The following EPHA6 variants were observed in gnomAD, a reference collection of about 807,000 sequenced individuals.
EPHA6 encodes the protein ephrin type-A receptor 6.
A neutral mutation model predicts 112.0 loss-of-function variants in EPHA6; 50 were observed. That is an observed-to-expected ratio of 0.45 (90% confidence interval 0.36 to 0.56). The LOEUF (loss-of-function observed/expected upper bound fraction) is 0.56, where lower values mean the gene tolerates loss of function less well. Ranked by LOEUF, EPHA6 falls within the 20% of genes least tolerant of loss-of-function variation. The pLI is 0.00. For synonymous variants in EPHA6, 529 were observed against 490.7 expected (o/e 1.08, Z -1.03); for missense variants, 1,280 against 1,417.4 (o/e 0.90, Z 1.56).
At chr3:97,406,323 C>T (rs2087342486) in intron 6 of EPHA6, among the ~76,000 whole-genome samples, 1 of 152,050 alleles carries the variant, frequency 6.6e-6, no homozygotes, top group South Asian at 2.1e-4. Context: ...AGATCGAGGA[C>T]CCAGCATCTG....
chr3:96,994,362 T>G (rs992693583), intron 3 of EPHA6: 1 of 222,388 alleles, frequency 4.5e-6, no homozygotes, highest in African/African-American at 2.2e-5. Flanking sequence ...TTTAACATTG[T>G]TTTAATTTAT....
At position 97,687,767 on chromosome 3, in the gene EPHA6, A is replaced by G. The variant is rs1379341447; in HGVS notation, c.2785-32494A>G. On this transcript the variant is annotated intron_variant, in intron 14 of 17. Transcript: ENST00000389672. ...TGAAAATACAAAACCTTTACTTCTCATGTGTGAGTCTGCAGGTCCACTGTG... is the reference window on the plus strand; with the variant it reads ...TGAAAATACAAAACCTTTACTTCTCGTGTGTGAGTCTGCAGGTCCACTGTG... Among the ~76,000 whole-genome samples, 4 of 152,194 alleles carry G rather than the reference A, an allele frequency of 2.6e-5. No individual in the cohort carries two copies. The East Asian group carries it at 7.7e-4, about 29-fold the overall frequency.
chr3:97,491,306 A>G (rs938229067), intron 10 of EPHA6, among the ~76,000 whole-genome samples: 11 of 152,194 alleles, frequency 7.2e-5, no homozygotes, highest in Non-Finnish European at 1.0e-4. Context: ...AGCCAGCATT[A>G]CCAGGAGTGA....
At chr3:97,617,472 T>TA (rs1224178435) in intron 13 of EPHA6, among the ~76,000 whole-genome samples, 9 of 151,970 alleles carry the variant, frequency 5.9e-5, no homozygotes, top group Admixed American at 4.6e-4. Flanking sequence ...AATTAAAAGA[T>TA]AAAAAAATGG....
At chr3:97,147,247 G>A (rs984962225) in intron 3 of EPHA6, among the ~76,000 whole-genome samples, 2 of 152,040 alleles carry the variant, frequency 1.3e-5, no homozygotes, top group African/African-American at 4.8e-5. Flanking sequence ...TAAAAATAAC[G>A]AGATTCATTT....
chr3:97,448,880 A>G, intron 7 of EPHA6, 150 bp downstream of exon 7: 1 of 733,472 alleles, frequency 1.4e-6, no homozygotes, highest in Non-Finnish European at 2.2e-6. Context: ...ATTTCAGTTA[A>G]TATTTGTTGC....
At chr3:97,214,430 C>T (rs1278557302) in intron 3 of EPHA6, among the ~76,000 whole-genome samples, 1 of 146,584 alleles carries the variant, frequency 6.8e-6, no homozygotes, top group Admixed American at 7.0e-5. Flanking sequence ...AACAGAAAAG[C>T]GTGGAGTGCC....
intron 6 of EPHA6, among the ~76,000 whole-genome samples, chr3:97,414,990 T>G (rs2107152435): frequency 6.6e-6 from 1 of 152,108 alleles, no homozygotes; most frequent in Middle Eastern, 3.4e-3. Flanking sequence ...TCTGATTGAC[T>G]TACTTGCAGA....
At chr3:97,476,086 T>C (rs1577514969) in intron 8 of EPHA6, among the ~76,000 whole-genome samples, 1 of 152,084 alleles carries the variant, frequency 6.6e-6, no homozygotes, top group Admixed American at 6.6e-5. Context: ...TTTAAATAAA[T>C]AGTATGAATA....
intron 10 of EPHA6, among the ~76,000 whole-genome samples, chr3:97,503,277 T>C (rs2092170221): frequency 6.6e-6 from 1 of 152,196 alleles, no homozygotes; most frequent in African/African-American, 2.4e-5. Flanking sequence ...TTGAGTTTTT[T>C]TGAAAGTTTT....
chr3:97,388,577 T>C (rs1237678065), intron 5 of EPHA6, among the ~76,000 whole-genome samples: 1 of 152,110 alleles, frequency 6.6e-6, no homozygotes, highest in East Asian at 1.9e-4. Context: ...AGAGATATGA[T>C]AGTTTTGTGA....
chr3:97,315,336 G>T (rs1576928926), intron 5 of EPHA6, among the ~76,000 whole-genome samples: 2 of 151,780 alleles, frequency 1.3e-5, no homozygotes, highest in East Asian at 3.9e-4. Flanking sequence ...CAATATGCCT[G>T]TTGAATTTAA....
intron 3 of EPHA6, among the ~76,000 whole-genome samples, chr3:97,102,007 C>T (rs2036353): frequency 0.21 from 32,033 of 151,902 alleles, 4,798 homozygotes; most frequent in African/African-American, 0.4. Flanking sequence ...TCAACTTACT[C>T]GATCAGTGAA....
At chr3:97,629,143 G>A (rs766336750) in intron 13 of EPHA6, among the ~76,000 whole-genome samples, 1 of 151,942 alleles carries the variant, frequency 6.6e-6, no homozygotes. Flanking sequence ...GCCCAGGCTT[G>A]TCTCAATCTC....
intron 3 of EPHA6, among the ~76,000 whole-genome samples, chr3:97,090,120 A>G (rs932772941): frequency 6.6e-6 from 1 of 152,064 alleles, no homozygotes. Context: ...CAAAATTACT[A>G]TATTCCCTTC....
chr3:97,112,833 T>C (rs963344681), intron 3 of EPHA6, among the ~76,000 whole-genome samples: 1 of 152,158 alleles, frequency 6.6e-6, no homozygotes, highest in African/African-American at 2.4e-5. Context: ...AGTATCACTG[T>C]CTCACCTAAA....
intron 5 of EPHA6, among the ~76,000 whole-genome samples, chr3:97,364,441 G>A (rs568827036): frequency 1.3e-5 from 2 of 151,398 alleles, no homozygotes; most frequent in African/African-American, 2.4e-5. Context: ...CAAATTTGAG[G>A]TATAGATAAA....
chr3:96,837,193 A>T (rs190938144), intron 1 of EPHA6, among the ~76,000 whole-genome samples: 4 of 152,236 alleles, frequency 2.6e-5, no homozygotes, highest in South Asian at 4.1e-4. Flanking sequence ...AGATGGACAT[A>T]GCTTCTGTAA....
chr3:97,543,294 G>T (rs1477464089), intron 11 of EPHA6, among the ~76,000 whole-genome samples: 1 of 152,284 alleles, frequency 6.6e-6, no homozygotes, highest in Non-Finnish European at 1.5e-5. Flanking sequence ...AAGGGATCCA[G>T]TTTCAGCTTT....
Sources: gnomAD v4.1 joint callset for allele counts (sites outside exome capture counted in the v4.1 genomes callset) on GRCh38, gnomAD v4.1.1 for gene constraint, MANE v1.5 for transcripts, NCBI Gene and HGNC (gene_info 2026-07-23, HGNC 2026-07-21) for gene names.